The following CD36 variants were observed in gnomAD, a reference collection of about 807,000 sequenced individuals.
The protein encoded by CD36 is platelet glycoprotein 4.
Under a neutral mutation model 55.2 loss-of-function variants are expected in CD36, and 119 were observed. The observed-to-expected ratio is 2.15, with a 90% CI of 1.86 to 2.51. The LOEUF (loss-of-function observed/expected upper bound fraction) is 2.51. Among genes scored for constraint, CD36 ranks in the 30% most tolerant of loss-of-function variants. The probability of loss-of-function intolerance (pLI) is 0.00; values close to 1 mark genes in which losing one functional copy is unlikely to be tolerated. For missense variants in CD36, 819 were observed against 555.5 expected (o/e 1.47, Z -4.77); for synonymous variants, 186 against 193.6 (o/e 0.96, Z 0.33).
In CD36 at chr7:80,673,425, T is replaced by A; in HGVS notation, c.1254+16T>A. 6.6e-7 allele frequency: 1 copy of A among 1,506,316 alleles called. No homozygotes were observed. Among genetic ancestry groups the A allele is most frequent in the Non-Finnish European group, 9.2e-7 (1 of 1,082,624 alleles). 93.3% of individuals were successfully genotyped at this position (1,506,316 alleles called of 1,614,324 possible). On this transcript the variant is annotated intron_variant, in intron 13 of 14. Transcript: ENST00000447544. ...GCTTAATGAGGTTTGTATTTGCAGC[T>A]GTTAGTCATTAAAAACAACCTTCTT...
rs149826475 is a variant in CD36 at position 80,664,962 on chromosome 7, G to A, written c.701+465G>A. ...CATATTCCAGTGGCATGACCTAAAT[G>A]TGTCTATAAAGATGGAAGCTTAATG... On this transcript the variant is annotated intron_variant, in intron 7 of 14. Transcript: ENST00000447544. Among the ~76,000 whole-genome samples the A allele has an allele frequency of 1.4e-3, 215 of 151,604 alleles. 3 individuals are homozygous for A. The highest frequency in any genetic ancestry group is 5.0e-3 in the African/African-American group (205 of 41,272).
chr7:80,654,131 T>G (rs1795832625), intron 3 of CD36, among the ~76,000 whole-genome samples: 1 of 152,180 alleles, frequency 6.6e-6, no homozygotes, highest in Non-Finnish European at 1.5e-5. Context: ...AAAAGTGATT[T>G]GTGGCCTTTA....
intron 4 of CD36, among the ~76,000 whole-genome samples, chr7:80,658,031 G>A (rs1363852315): frequency 1.3e-5 from 2 of 152,176 alleles, no homozygotes; most frequent in Non-Finnish European, 2.9e-5. Flanking sequence ...TACTACCATA[G>A]CACATGACAT....
At chr7:80,642,072 C>T in intron 1 of CD36, among the ~76,000 whole-genome samples, 1 of 152,084 alleles carries the variant, frequency 6.6e-6, no homozygotes, top group Admixed American at 6.6e-5. Context: ...AACTGAGCTG[C>T]CTATAGAATC....
At position 80,648,083 on chromosome 7, in the gene CD36, G is replaced by GA. The variant is rs1795307004; in HGVS notation, c.120+1229dup. 2.6e-5 allele frequency among the ~76,000 whole-genome samples: 4 copies of GA among 152,174 alleles called. No individual in the cohort carries two copies. The South Asian group carries it at 8.3e-4, about 32-fold the overall frequency. On this transcript the variant is annotated intron_variant, in intron 3 of 14. Transcript: ENST00000447544. Reference sequence around the variant, plus strand: ...GAACTTCAGCCTCATGCATTTAACTGAAAAAACATATGTAAATTAGTATCC... The same window carrying GA: ...GAACTTCAGCCTCATGCATTTAACTGAAAAAAACATATGTAAATTAGTATCC...
chr7:80,667,429 CAAAAAAAAA>C lies in CD36; in HGVS notation c.748+954_748+962del, dbSNP rs564416939. Among the ~76,000 whole-genome samples the C allele has an allele frequency of 1.5e-3, 121 of 82,424 alleles. 1 individual carries two copies. Among genetic ancestry groups the C allele is most frequent in the Non-Finnish European group, 2.3e-3 (99 of 42,784 alleles). 54.1% of individuals were successfully genotyped at this position (82,424 alleles called of 152,430 possible). ...TGGGCAATAGTGTGAGACCCTGTCT[CAAAAAAAAA>C]AAAAAAAAAAAAAGTGGTGGGAATC... On this transcript the variant is annotated intron_variant, in intron 8 of 14. Transcript: ENST00000447544.
chr7:80,623,004 AC>A (rs1026485800), intron 1 of CD36, among the ~76,000 whole-genome samples: 1 of 27,246 alleles, frequency 3.7e-5, no homozygotes, highest in Non-Finnish European at 8.9e-5. Flanking sequence ...TCCTTGGTAG[AC>A]TTTTTTTTTT....
At chr7:80,672,071 TTGA>T (rs778712272) in intron 11 of CD36, 31 bp downstream of exon 11, 1 of 1,526,836 alleles carries the variant, frequency 6.5e-7, no homozygotes, top group African/African-American at 1.4e-5. Flanking sequence ...TCTGATTTGG[TTGA>T]TATTTTTAAA....
intron 1 of CD36, among the ~76,000 whole-genome samples, chr7:80,616,974 A>T (rs923440954): frequency 1.3e-5 from 2 of 152,204 alleles, no homozygotes; most frequent in Non-Finnish European, 2.9e-5. Context: ...TATGCTTGCT[A>T]TACATCTCAT....
At chr7:80,659,953 A>G (rs2116635396) in intron 4 of CD36, among the ~76,000 whole-genome samples, 1 of 152,256 alleles carries the variant, frequency 6.6e-6, no homozygotes, top group African/African-American at 2.4e-5. Flanking sequence ...TAGTAAATAC[A>G]TTTACTGAGA....
At chr7:80,615,652 AGGTC>A (rs1390881151) in intron 1 of CD36, among the ~76,000 whole-genome samples, 1 of 152,178 alleles carries the variant, frequency 6.6e-6, no homozygotes, top group African/African-American at 2.4e-5. Flanking sequence ...GTATGATTAA[AGGTC>A]AGTTAGTGTT....
At chr7:80,663,424 AT>A (rs761564236) in intron 6 of CD36, among the ~76,000 whole-genome samples, 4 of 151,892 alleles carry the variant, frequency 2.6e-5, no homozygotes, top group Non-Finnish European at 4.4e-5. Context: ...TAAATACACA[AT>A]TTTTTTTAAA....
intron 1 of CD36, among the ~76,000 whole-genome samples, chr7:80,625,340 A>G (rs1020215225): frequency 7.2e-5 from 11 of 152,266 alleles, no homozygotes; most frequent in South Asian, 2.1e-4. Context: ...ATTGTGATAC[A>G]TTGTTCTATA....
At chr7:80,636,615 A>G (rs1291956961), upstream of CD36, among the ~76,000 whole-genome samples, 33 of 152,112 alleles carry the variant, frequency 2.2e-4, no homozygotes, top group Admixed American at 2.2e-3. Context: ...ATTCTAATAA[A>G]TTAATCCAGT....
rs1798184281 is a variant in CD36 at position 80,676,945 on chromosome 7, A to G, written c.*562A>G. On this transcript the variant is annotated 3_prime_UTR_variant, in exon 15 of 15. Transcript: ENST00000447544. Reference sequence around the variant, plus strand: ...ACTATGCATTGTTATTCATTATAATATTTTTTGCTGTCATAATCGCCTCAT... The same window carrying G: ...ACTATGCATTGTTATTCATTATAATGTTTTTTGCTGTCATAATCGCCTCAT... 6.6e-6 allele frequency: 1 copy of G among 152,082 alleles called. No homozygotes were observed. The highest frequency in any genetic ancestry group is 1.5e-5 in the Non-Finnish European group (1 of 68,030). 9.4% of individuals were successfully genotyped at this position (152,082 alleles called of 1,614,324 possible). A position where few individuals can be genotyped will look rare whatever the true frequency, so the allele number is the denominator to read the frequency against.
At chr7:80,634,769 T>A, upstream of CD36, among the ~76,000 whole-genome samples, 1 of 152,160 alleles carries the variant, frequency 6.6e-6, no homozygotes, top group East Asian at 1.9e-4. Context: ...AAAAGGATTT[T>A]TTTTAACTAT....
chr7:80,643,628 T>C (rs2116345779), intron 1 of CD36, among the ~76,000 whole-genome samples: 1 of 152,082 alleles, frequency 6.6e-6, no homozygotes, highest in South Asian at 2.1e-4. Flanking sequence ...AGAAACAGAG[T>C]CTCTGGGTTT....
chr7:80,633,088 A>T (rs1397268201), intron 1 of CD36: 1 of 151,972 alleles, frequency 6.6e-6, no homozygotes, highest in Non-Finnish European at 1.5e-5. Flanking sequence ...TTCCTCGAAT[A>T]ATTTCCTATC....
intron 8 of CD36, among the ~76,000 whole-genome samples, chr7:80,669,044 G>T (rs1314501333): frequency 6.6e-6 from 1 of 152,106 alleles, no homozygotes; most frequent in Non-Finnish European, 1.5e-5. Context: ...TTTAGAAGTA[G>T]TAATCAGCCA....
Sources: gnomAD v4.1 joint callset for allele counts (sites outside exome capture counted in the v4.1 genomes callset) on GRCh38, gnomAD v4.1.1 for gene constraint, MANE v1.5 for transcripts, NCBI Gene and HGNC (gene_info 2026-07-23, HGNC 2026-07-21) for gene names.